KCNQ5: variants seen among roughly 807,000 people sequenced by gnomAD.
KCNQ5 encodes potassium voltage-gated channel subfamily KQT member 5.
In KCNQ5, 30 loss-of-function variants were observed where a neutral mutation model predicts 98.2. The observed-to-expected ratio is 0.31, with a 90% CI of 0.23 to 0.41. The LOEUF is 0.41. Ranked by LOEUF, KCNQ5 falls within the 10% of genes least tolerant of loss-of-function variation. The pLI, the probability that KCNQ5 is intolerant of heterozygous loss-of-function variation, is 1.00. For synonymous variants in KCNQ5, 458 were observed against 449.4 expected (o/e 1.02, Z -0.24); for missense variants, 835 against 1,182.5 (o/e 0.71, Z 4.31).
At chr6:72,931,568 C>T (rs1460209986) in intron 1 of KCNQ5, among the ~76,000 whole-genome samples, 1 of 152,134 alleles carries the variant, frequency 6.6e-6, no homozygotes, top group Non-Finnish European at 1.5e-5. Flanking sequence ...ACTGACTTAG[C>T]AGAACCTAGA....
chr6:72,763,201 G>A (rs768697573), intron 1 of KCNQ5, among the ~76,000 whole-genome samples: 44 of 151,904 alleles, frequency 2.9e-4, no homozygotes, highest in Non-Finnish European at 4.7e-4. Flanking sequence ...TCCTGGGTGT[G>A]TCACTTCCAT....
chr6:72,951,493 A>G (rs1331760443), intron 1 of KCNQ5, among the ~76,000 whole-genome samples: 1 of 138,268 alleles, frequency 7.2e-6, no homozygotes, highest in Non-Finnish European at 1.6e-5. Context: ...CCTGTTGGCC[A>G]GGTTGGTCTT....
At chr6:72,782,353 C>T (rs747536934) in intron 1 of KCNQ5, among the ~76,000 whole-genome samples, 2 of 152,138 alleles carry the variant, frequency 1.3e-5, no homozygotes, top group African/African-American at 4.8e-5. Context: ...TCTCCACACC[C>T]TATACCGTGG....
At chr6:72,681,675 G>T (rs933291417) in intron 1 of KCNQ5, among the ~76,000 whole-genome samples, 1 of 152,116 alleles carries the variant, frequency 6.6e-6, no homozygotes, top group Admixed American at 6.5e-5. Flanking sequence ...TTTTGTTCCG[G>T]ATCTTGCGCC....
At chr6:72,629,168 T>C (rs1378910566) in intron 1 of KCNQ5, among the ~76,000 whole-genome samples, 1 of 152,208 alleles carries the variant, frequency 6.6e-6, no homozygotes, top group African/African-American at 2.4e-5. Flanking sequence ...GGAATTTTAC[T>C]CTGTTGGCCA....
chr6:72,936,703 T>C (rs1035221444), intron 1 of KCNQ5, among the ~76,000 whole-genome samples: 5 of 152,234 alleles, frequency 3.3e-5, no homozygotes, highest in Non-Finnish European at 5.9e-5. Flanking sequence ...TTATCTGATT[T>C]TTAAAATTAA....
chr6:73,125,911 GA>G (rs1775971540), intron 9 of KCNQ5, among the ~76,000 whole-genome samples: 1 of 152,094 alleles, frequency 6.6e-6, no homozygotes, highest in Admixed American at 6.6e-5. Flanking sequence ...CCCCACCTAA[GA>G]AACGTTTTTG....
chr6:73,075,932 C>T (rs947303250), intron 3 of KCNQ5, among the ~76,000 whole-genome samples: 3 of 152,164 alleles, frequency 2.0e-5, no homozygotes, highest in Non-Finnish European at 4.4e-5. Flanking sequence ...GTAGTCCTAG[C>T]TCCTTGGGAG....
chr6:72,947,154 T>C (rs1023053709), intron 1 of KCNQ5, among the ~76,000 whole-genome samples: 3 of 152,192 alleles, frequency 2.0e-5, no homozygotes, highest in African/African-American at 7.2e-5. Flanking sequence ...TTTAATAAGA[T>C]GATGTACAGG....
At chr6:73,010,152 A>G (rs184819483) in intron 2 of KCNQ5, among the ~76,000 whole-genome samples, 3 of 152,248 alleles carry the variant, frequency 2.0e-5, no homozygotes, top group African/African-American at 4.8e-5. Flanking sequence ...AGGATTATAC[A>G]CCTTGGTCAA....
chr6:72,643,016 C>A (rs1175996308), intron 1 of KCNQ5, among the ~76,000 whole-genome samples: 6 of 151,972 alleles, frequency 3.9e-5, no homozygotes, highest in Admixed American at 6.6e-5. Flanking sequence ...TAATAGAAAA[C>A]CAAATATTGC....
chr6:72,633,390 G>A (rs956771655), intron 1 of KCNQ5, among the ~76,000 whole-genome samples: 1 of 151,888 alleles, frequency 6.6e-6, no homozygotes, highest in African/African-American at 2.4e-5. Flanking sequence ...TTTATAAATC[G>A]GAGACGACAC....
intron 1 of KCNQ5, among the ~76,000 whole-genome samples, chr6:72,929,652 C>T (rs1463065377): frequency 2.0e-5 from 3 of 151,964 alleles, no homozygotes; most frequent in Non-Finnish European, 2.9e-5. Flanking sequence ...CAATGGAGTA[C>T]ATAAAGTACT....
chr6:72,706,139 GT>G (rs1769067105), intron 1 of KCNQ5, among the ~76,000 whole-genome samples: 1 of 152,092 alleles, frequency 6.6e-6, no homozygotes, highest in Admixed American at 6.5e-5. Context: ...TCAAGGTATA[GT>G]TATGTCTTTT....
intron 1 of KCNQ5, among the ~76,000 whole-genome samples, chr6:72,944,106 T>C (rs1582062024): frequency 6.6e-6 from 1 of 152,244 alleles, no homozygotes; most frequent in African/African-American, 2.4e-5. Flanking sequence ...CATATGGCTG[T>C]TATTTAATGA....
intron 1 of KCNQ5, among the ~76,000 whole-genome samples, chr6:72,997,856 T>C (rs967639905): frequency 3.7e-4 from 56 of 151,770 alleles, no homozygotes; most frequent in African/African-American, 1.0e-3. Context: ...AGGGTCTTTG[T>C]TAATATTTAA....
intron 3 of KCNQ5, chr6:73,055,305 C>A: frequency 7.1e-7 from 1 of 1,408,536 alleles, no homozygotes; most frequent in South Asian, 1.2e-5. Flanking sequence ...GTGCTAGATG[C>A]CATTGATCAG....
intron 1 of KCNQ5, among the ~76,000 whole-genome samples, chr6:72,927,992 C>T (rs1384335022): frequency 1.3e-5 from 2 of 151,938 alleles, no homozygotes; most frequent in Non-Finnish European, 2.9e-5. Flanking sequence ...AAAACTTAGT[C>T]TGGAGAATAA....
At chr6:73,078,576 C>T (rs1413434338) in intron 5 of KCNQ5, among the ~76,000 whole-genome samples, 1 of 152,106 alleles carries the variant, frequency 6.6e-6, no homozygotes, top group South Asian at 2.1e-4. Context: ...ATCCAAAGGA[C>T]AGAAACATTT....
Sources: allele counts gnomAD v4.1 joint callset (sites outside exome capture counted in the v4.1 genomes callset), GRCh38; gene constraint gnomAD v4.1.1; transcripts MANE v1.5; gene names NCBI Gene and HGNC (gene_info 2026-07-23, HGNC 2026-07-21).